The following PAX8 variants were observed in gnomAD, a reference collection of about 807,000 sequenced individuals.
PAX8 encodes the protein paired box protein Pax-8.
A neutral mutation model predicts 52.4 loss-of-function variants in PAX8; 15 were observed. The ratio of observed to expected loss-of-function variants is 0.29; its 90% CI spans 0.19 to 0.44. PAX8 has a LOEUF of 0.44. Ranked by LOEUF, PAX8 falls within the 20% of genes least tolerant of loss-of-function variation. The pLI is 1.00. For synonymous variants in PAX8, 284 were observed against 249.7 expected (o/e 1.14, Z -1.29); for missense variants, 554 against 602.5 (o/e 0.92, Z 0.84).
rs755745165 is a variant in PAX8, at chr2:113,220,192, A to G, written c.1190-14T>C. 1 of 1,605,442 alleles carries G rather than the reference A, an allele frequency of 6.2e-7. No individual in the cohort carries two copies. ...AGTATTCACTTCCTGTTGGAGGCAC[A>G]CAGGGGAGAGGCCTGTGAGGTGAAG... On this transcript the variant is annotated splice_polypyrimidine_tract_variant and intron_variant, in intron 10 of 11. Transcript: ENST00000429538.
At chr2:113,219,494 T>C (rs1689161758) in intron 11 of PAX8, among the ~76,000 whole-genome samples, 1 of 152,252 alleles carries the variant, frequency 6.6e-6, no homozygotes, top group Non-Finnish European at 1.5e-5. Context: ...AAGAGAAGCC[T>C]GGAAGCTCGC....
intron 9 of PAX8, among the ~76,000 whole-genome samples, chr2:113,231,971 A>G (rs1689924228): frequency 6.6e-6 from 1 of 152,032 alleles, no homozygotes; most frequent in Non-Finnish European, 1.5e-5. Context: ...CAGGTGATCC[A>G]CCCACCTTGG....
At chr2:113,246,674 GA>G in intron 3 of PAX8, 79 bp downstream of exon 3, 1 of 1,490,628 alleles carries the variant, frequency 6.7e-7, no homozygotes, top group Non-Finnish European at 9.2e-7. Flanking sequence ...CCTGGGAGGG[GA>G]ATTCTCTAGC....
intron 3 of PAX8, among the ~76,000 whole-genome samples, chr2:113,246,210 G>A (rs1300312790): frequency 6.6e-6 from 1 of 152,260 alleles, no homozygotes; most frequent in Admixed American, 6.5e-5. Context: ...GATTTAATTG[G>A]TCTGCCCTGG....
At chr2:113,219,294 T>C (rs2104411755) in intron 11 of PAX8, among the ~76,000 whole-genome samples, 1 of 152,282 alleles carries the variant, frequency 6.6e-6, no homozygotes, top group African/African-American at 2.4e-5. Flanking sequence ...GTTCCTAGCC[T>C]GCAATGGTGC....
intron 2 of PAX8, among the ~76,000 whole-genome samples, chr2:113,256,047 G>A (rs1692225500): frequency 6.6e-6 from 1 of 151,740 alleles, no homozygotes; most frequent in South Asian, 2.1e-4. Context: ...GCTCAGTACT[G>A]TGTTCAAGGC....
chr2:113,251,580 G>T (rs74619367), intron 2 of PAX8, among the ~76,000 whole-genome samples: 4 of 152,252 alleles, frequency 2.6e-5, no homozygotes, highest in South Asian at 4.1e-4. Context: ...AGGACTTATC[G>T]TACAGTAAAG....
chr2:113,276,838 AGCAGAAGTGCCATTGCACCAGCTTGGC>A (rs1315914650), intron 2 of PAX8, among the ~76,000 whole-genome samples: 56 of 152,182 alleles, frequency 3.7e-4, no homozygotes, highest in Admixed American at 1.8e-3. Flanking sequence ...TCCAGAGCCG[AGCAGAAGTGCCATTGCACCAGCTTGGC>A]GCAGAAGTGC....
At chr2:113,226,555 T>C (rs1689582673) in intron 10 of PAX8, 1 of 1,005,534 alleles carries the variant, frequency 9.9e-7, no homozygotes, top group Non-Finnish European at 1.2e-6. Context: ...GGAGAGCTAC[T>C]CCAGGCTCAT....
intron 2 of PAX8, chr2:113,274,739 T>C (rs1483771986): frequency 6.6e-6 from 1 of 152,228 alleles, no homozygotes; most frequent in Admixed American, 6.5e-5. Context: ...AGTAAATCTT[T>C]CTTACAATTG....
In PAX8 at chr2:113,218,411, G is replaced by T; in HGVS notation, c.*122C>A. ...AAATTAACCACACAGGGAGTGTGCC[G>T]CAATGCTGGACTTGTGGTTATTTTT... On this transcript the variant is annotated 3_prime_UTR_variant, in exon 12 of 12. Transcript: ENST00000429538. The T allele has an allele frequency of 1.8e-6, 1 of 565,382 alleles. No individual in the cohort carries two copies. The highest frequency in any genetic ancestry group is 3.1e-6 in the Non-Finnish European group (1 of 323,806). The allele number at this position is 565,382 out of a possible 1,614,324, so 35.0% of individuals were successfully genotyped here. A position where few individuals can be genotyped will look rare whatever the true frequency, so the allele number is the denominator to read the frequency against.
intron 9 of PAX8, among the ~76,000 whole-genome samples, chr2:113,228,966 T>C (rs1364393370): frequency 6.6e-6 from 1 of 152,222 alleles, no homozygotes; most frequent in Non-Finnish European, 1.5e-5. Context: ...ATTCACTAAA[T>C]ACTTACTGAG....
chr2:113,255,599 G>A (rs910898500), intron 2 of PAX8: 2 of 152,302 alleles, frequency 1.3e-5, no homozygotes, highest in African/African-American at 2.4e-5. Context: ...ATGGTTGAAT[G>A]TGGCAGTGTG....
At chr2:113,278,267 C>A in intron 2 of PAX8, 103 bp downstream of exon 2, 1 of 986,436 alleles carries the variant, frequency 1.0e-6, no homozygotes, top group Middle Eastern at 2.1e-4. Flanking sequence ...GGGTGGGTCC[C>A]GCGAATCCCG....
At chr2:113,241,943 C>T in intron 6 of PAX8, 65 bp downstream of exon 6, 1 of 1,585,034 alleles carries the variant, frequency 6.3e-7, no homozygotes, top group South Asian at 1.1e-5. Context: ...GGGTTTCTGT[C>T]CCCATCAAAG....
In PAX8 at chr2:113,242,137, T is replaced by TGGGGGA. The variant is rs1043122897; in HGVS notation, c.479-13_479-8dup. On this transcript the variant is annotated splice_region_variant and splice_polypyrimidine_tract_variant and intron_variant, in intron 5 of 11. Coordinates refer to ENST00000429538, the MANE Select transcript of PAX8 (RefSeq NM_003466.4). ...GTTACAGCTGAGCTGGGGACTGCAGTGGGGGAGAGGGAGAGGGTCAGGGGT... is the reference window on the plus strand; with the variant it reads ...GTTACAGCTGAGCTGGGGACTGCAGTGGGGGAGGGGGAGAGGGAGAGGGTCAGGGGT... The TGGGGGA allele has an allele frequency of 6.2e-6, 10 of 1,602,838 alleles. No homozygotes were observed. Among genetic ancestry groups the TGGGGGA allele is most frequent in the Non-Finnish European group, 8.5e-6 (10 of 1,174,390 alleles).
At chr2:113,276,155 A>G (rs1354955842) in intron 2 of PAX8, 1 of 152,244 alleles carries the variant, frequency 6.6e-6, no homozygotes, top group Non-Finnish European at 1.5e-5. Flanking sequence ...TGGGCTTGTA[A>G]AAACCAGAGG....
chr2:113,264,609 G>C (rs533804488), intron 2 of PAX8, among the ~76,000 whole-genome samples: 1 of 152,362 alleles, frequency 6.6e-6, no homozygotes, highest in East Asian at 1.9e-4. Context: ...GCTGGGGATA[G>C]AGAGAGATCT....
chr2:113,278,325 C>G (rs769689183), intron 2 of PAX8, 45 bp downstream of exon 2: 21 of 1,454,102 alleles, frequency 1.4e-5, no homozygotes, highest in Middle Eastern at 3.5e-4. Context: ...CACGGACGCT[C>G]AGCGGCGCGG....
Sources: gnomAD v4.1 joint callset for allele counts (sites outside exome capture counted in the v4.1 genomes callset) on GRCh38, gnomAD v4.1.1 for gene constraint, MANE v1.5 for transcripts, NCBI Gene and HGNC (gene_info 2026-07-23, HGNC 2026-07-21) for gene names.